The following COL21A1 variants were observed in gnomAD, a reference collection of about 807,000 sequenced individuals.
COL21A1 encodes the protein collagen alpha-1(XXI) chain.
COL21A1 carries 149 observed loss-of-function variants against 137.9 expected under a neutral mutation model. That is an observed-to-expected ratio of 1.08 (90% CI 0.95 to 1.24). COL21A1 has a LOEUF of 1.24. COL21A1 is among the 50% of genes most tolerant of loss of function. COL21A1 has a pLI of 0.00. For missense variants in COL21A1, 1,167 were observed against 1,158.4 expected (o/e 1.01, Z -0.11); for synonymous variants, 456 against 391.5 (o/e 1.16, Z -1.95).
At chr6:56,335,213 T>C (rs932312455) in intron 1 of COL21A1, among the ~76,000 whole-genome samples, 1 of 152,146 alleles carries the variant, frequency 6.6e-6, no homozygotes, top group Admixed American at 6.6e-5. Flanking sequence ...CCTCTCTCTA[T>C]AGATGGTCTC....
intron 1 of COL21A1, among the ~76,000 whole-genome samples, chr6:56,295,299 G>T (rs1764138866): frequency 6.6e-6 from 1 of 151,854 alleles, no homozygotes; most frequent in South Asian, 2.1e-4. Flanking sequence ...CCATTCCATT[G>T]GTCTATTTGC....
chr6:56,177,752 A>G (rs1156701433), intron 3 of COL21A1, among the ~76,000 whole-genome samples: 2 of 138,228 alleles, frequency 1.4e-5, no homozygotes, highest in African/African-American at 5.5e-5. Context: ...AGATTGCACC[A>G]CTGCACTCCA....
At chr6:56,251,646 A>C (rs1030199669), upstream of COL21A1, among the ~76,000 whole-genome samples, 1 of 152,218 alleles carries the variant, frequency 6.6e-6, no homozygotes, top group African/African-American at 2.4e-5. Flanking sequence ...TCTAAAACCT[A>C]TAAACAGGAC....
chr6:56,262,907 T>G (rs901805298), intron 1 of COL21A1, among the ~76,000 whole-genome samples: 2 of 152,220 alleles, frequency 1.3e-5, no homozygotes, highest in Non-Finnish European at 2.9e-5. Flanking sequence ...AGACCTGGTG[T>G]GCTACAGCAA....
chr6:56,197,547 T>C (rs1266226437), intron 1 of COL21A1, among the ~76,000 whole-genome samples: 2 of 152,060 alleles, frequency 1.3e-5, no homozygotes, highest in Non-Finnish European at 2.9e-5. Flanking sequence ...AGGCAAATGA[T>C]GTAAATAGAC....
At chr6:56,178,372 C>T (rs913388955) in intron 3 of COL21A1, among the ~76,000 whole-genome samples, 38 of 151,940 alleles carry the variant, frequency 2.5e-4, no homozygotes, top group African/African-American at 8.7e-4. Flanking sequence ...TATTACAGTA[C>T]CTTTATTTAA....
chr6:56,393,531 C>G (rs80020765), intron 1 of COL21A1, among the ~76,000 whole-genome samples: 16,274 of 152,118 alleles, frequency 0.11, 949 homozygotes, highest in Non-Finnish European at 0.13. Context: ...TTCTGCACAG[C>G]AAAGGAAACA....
intron 1 of COL21A1, among the ~76,000 whole-genome samples, chr6:56,280,037 C>A (rs1238869231): frequency 6.6e-6 from 1 of 152,130 alleles, no homozygotes; most frequent in East Asian, 1.9e-4. Flanking sequence ...CAAAAAGCTA[C>A]CATCTTTCAC....
chr6:56,351,629 A>G (rs1367533408), intron 1 of COL21A1, among the ~76,000 whole-genome samples: 1 of 152,214 alleles, frequency 6.6e-6, no homozygotes, highest in East Asian at 1.9e-4. Flanking sequence ...GAAGCAGAGC[A>G]AAGGCCTCAA....
intron 17 of COL21A1, among the ~76,000 whole-genome samples, chr6:56,083,300 C>A (rs1767950000): frequency 6.6e-6 from 1 of 151,978 alleles, no homozygotes; most frequent in Admixed American, 6.6e-5. Context: ...CCATTTCCAG[C>A]TTCCAGGGGC....
At chr6:56,292,386 C>G (rs1406140577) in intron 1 of COL21A1, among the ~76,000 whole-genome samples, 1 of 114,048 alleles carries the variant, frequency 8.8e-6, no homozygotes, top group Non-Finnish European at 1.9e-5. Context: ...ATCAACAAAA[C>G]AGGGACCCCC....
chr6:56,188,968 A>G (rs1008262620), intron 1 of COL21A1, among the ~76,000 whole-genome samples: 1 of 152,218 alleles, frequency 6.6e-6, no homozygotes, highest in African/African-American at 2.4e-5. Flanking sequence ...GAAGGTCACC[A>G]ACATCAAAGA....
intron 16 of COL21A1, among the ~76,000 whole-genome samples, chr6:56,109,172 T>C (rs1286173350): frequency 6.6e-6 from 1 of 151,030 alleles, no homozygotes; most frequent in Non-Finnish European, 1.5e-5. Context: ...AGAAAAAATG[T>C]AGGAAAAAAG....
chr6:56,124,048 T>G lies in COL21A1; in HGVS notation c.1758+14A>C. On this transcript the variant is annotated intron_variant, in intron 16 of 29. Transcript: ENST00000244728. ...ATCTTTTTGTTTTGTCCTTTTTTTT[T>G]TTTTTATAAATACCTTGAAACCGGG... 2 of 1,494,594 alleles carry G rather than the reference T, an allele frequency of 1.3e-6. No homozygotes were observed. The highest frequency in any genetic ancestry group is 2.7e-5 in the South Asian group (2 of 74,440). 92.6% of individuals were successfully genotyped at this position (1,494,594 alleles called of 1,614,324 possible). A position where few individuals can be genotyped will look rare whatever the true frequency, so the allele number is the denominator to read the frequency against.
chr6:56,112,209 G>T (rs1483842162), intron 16 of COL21A1, among the ~76,000 whole-genome samples: 2 of 152,112 alleles, frequency 1.3e-5, no homozygotes, highest in Non-Finnish European at 2.9e-5. Context: ...AATAAATGGT[G>T]CTAGAATAAC....
At chr6:56,121,954 A>ATTTTCCTATTTCT (rs1772580046) in intron 16 of COL21A1, among the ~76,000 whole-genome samples, 3 of 152,166 alleles carry the variant, frequency 2.0e-5, no homozygotes, top group Non-Finnish European at 4.4e-5. Flanking sequence ...AGGAGACATA[A>ATTTTCCTATTTCT]CCAAGGTCAA....
At chr6:56,362,041 T>C (rs968338385) in intron 1 of COL21A1, among the ~76,000 whole-genome samples, 2 of 152,146 alleles carry the variant, frequency 1.3e-5, no homozygotes, top group Non-Finnish European at 2.9e-5. Context: ...CTGAACACAA[T>C]GAGCGCTTGC....
At chr6:56,195,217 A>C (rs2152293643) in intron 1 of COL21A1, among the ~76,000 whole-genome samples, 1 of 152,282 alleles carries the variant, frequency 6.6e-6, no homozygotes, top group South Asian at 2.1e-4. Flanking sequence ...TCTTACAAGC[A>C]ACAGAAAACG....
chr6:56,137,636 A>G (rs62413477), intron 12 of COL21A1, among the ~76,000 whole-genome samples: 22,824 of 152,166 alleles, frequency 0.15, 1,749 homozygotes, highest in Middle Eastern at 0.22. Context: ...AACAGAAGAC[A>G]TCCAAAGAGA....
Sources: allele counts gnomAD v4.1 joint callset (sites outside exome capture counted in the v4.1 genomes callset), GRCh38; gene constraint gnomAD v4.1.1; transcripts MANE v1.5; gene names NCBI Gene and HGNC (gene_info 2026-07-23, HGNC 2026-07-21).